The following SRGAP3 variants were observed in gnomAD, a reference collection of about 807,000 sequenced individuals.
The protein encoded by SRGAP3 is SLIT-ROBO Rho GTPase-activating protein 3.
In SRGAP3, 39 loss-of-function variants were observed where a neutral mutation model predicts 121.1. The ratio of observed to expected loss-of-function variants is 0.32; its 90% CI spans 0.25 to 0.42. SRGAP3 has a LOEUF of 0.42. Among genes scored for constraint, SRGAP3 ranks in the 10% least tolerant of loss-of-function variants. SRGAP3 has a pLI of 1.00. For missense variants in SRGAP3, 1,213 were observed against 1,470.6 expected, an observed-to-expected ratio of 0.82 and a Z score of 2.86; for synonymous variants, 601 against 570.0, an observed-to-expected ratio of 1.05 and a Z score of -0.77.
intron 3 of SRGAP3, chr3:9,257,532 C>T (rs1954157167): frequency 6.6e-6 from 1 of 151,796 alleles, no homozygotes; most frequent in South Asian, 2.1e-4. Flanking sequence ...TTTATGGCAC[C>T]CTAAGCTAAC....
At chr3:9,193,085 A>T (rs1438499213) in intron 1 of SRGAP3, 1 of 152,252 alleles carries the variant, frequency 6.6e-6, no homozygotes, top group African/African-American at 2.4e-5. Context: ...AAGACTTGCC[A>T]GCCAATTAGA....
chr3:9,339,855 A>C (rs567510615), intron 1 of SRGAP3, among the ~76,000 whole-genome samples: 1 of 152,318 alleles, frequency 6.6e-6, no homozygotes, highest in Non-Finnish European at 1.5e-5. Flanking sequence ...ACCCTCAGGT[A>C]AAATCCTTAT....
At chr3:9,073,311 T>A (rs536544967) in intron 4 of SRGAP3, among the ~76,000 whole-genome samples, 1 of 152,088 alleles carries the variant, frequency 6.6e-6, no homozygotes, top group Non-Finnish European at 1.5e-5. Flanking sequence ...GCCTTGCTAA[T>A]TTTTTGTATT....
chr3:9,119,157 T>C (rs1948912826), intron 2 of SRGAP3, among the ~76,000 whole-genome samples: 1 of 152,106 alleles, frequency 6.6e-6, no homozygotes, highest in Admixed American at 6.5e-5. Context: ...AGCTCTTACC[T>C]CACCCTCTTC....
intron 7 of SRGAP3, among the ~76,000 whole-genome samples, chr3:9,057,123 T>C (rs982086412): frequency 3.3e-5 from 5 of 152,288 alleles, no homozygotes; most frequent in Admixed American, 2.6e-4. Flanking sequence ...GAGACAGGGT[T>C]TCACCATGTT....
intron 1 of SRGAP3, among the ~76,000 whole-genome samples, chr3:9,204,956 CTTGT>C (rs1289710024): frequency 1.3e-5 from 2 of 152,244 alleles, no homozygotes; most frequent in Admixed American, 1.3e-4. Context: ...CTACTCTTGG[CTTGT>C]TTAAGCTTCC....
At chr3:9,204,603 G>A (rs1286557951) in intron 1 of SRGAP3, among the ~76,000 whole-genome samples, 5 of 152,128 alleles carry the variant, frequency 3.3e-5, no homozygotes, top group South Asian at 2.1e-4. Context: ...CTGCCCCAGA[G>A]GGGGAAAACA....
intron 1 of SRGAP3, among the ~76,000 whole-genome samples, chr3:9,241,556 C>A (rs1462923912): frequency 6.6e-6 from 1 of 152,196 alleles, no homozygotes; most frequent in African/African-American, 2.4e-5. Context: ...GGAAATCGAG[C>A]AAACCATTAA....
chr3:9,127,743 G>A (rs531614926), intron 1 of SRGAP3, among the ~76,000 whole-genome samples: 111 of 152,176 alleles, frequency 7.3e-4, no homozygotes, highest in African/African-American at 2.4e-3. Context: ...CACTGCACCC[G>A]GCCTAGTAAA....
intron 1 of SRGAP3, among the ~76,000 whole-genome samples, chr3:9,219,851 G>T (rs1952751300): frequency 6.6e-6 from 1 of 152,174 alleles, no homozygotes; most frequent in East Asian, 1.9e-4. Context: ...AAAAAATAAA[G>T]AAAGAAAGAA....
intron 15 of SRGAP3, 62 bp from the exon 16 acceptor site, chr3:9,013,904 T>A: frequency 6.6e-7 from 1 of 1,512,678 alleles, no homozygotes; most frequent in Non-Finnish European, 9.2e-7. Context: ...CAACAAACAT[T>A]CGCTCGCCAC....
intron 3 of SRGAP3, among the ~76,000 whole-genome samples, chr3:9,278,311 G>A (rs986551314): frequency 6.6e-6 from 1 of 152,094 alleles, no homozygotes. Flanking sequence ...GAAAAGCAAG[G>A]GACAAGAGGC....
At chr3:9,254,145 C>T (rs185465278), upstream of SRGAP3, among the ~76,000 whole-genome samples, 175 of 152,168 alleles carry the variant, frequency 1.2e-3, 1 homozygote, top group African/African-American at 3.7e-3. Flanking sequence ...AATACTCATA[C>T]ATGAATATTC....
At chr3:9,156,754 G>A (rs966618412) in intron 1 of SRGAP3, among the ~76,000 whole-genome samples, 36 of 152,156 alleles carry the variant, frequency 2.4e-4, no homozygotes, top group Admixed American at 2.3e-3. Flanking sequence ...AACTGCACTG[G>A]CAGGGAAGCA....
At chr3:9,030,593 C>T (rs1944437360) in intron 12 of SRGAP3, among the ~76,000 whole-genome samples, 1 of 152,184 alleles carries the variant, frequency 6.6e-6, no homozygotes, top group Non-Finnish European at 1.5e-5. Flanking sequence ...GGGGCAAACA[C>T]TCATGTGGTT....
At chr3:9,209,224 A>G (rs1459028764) in intron 1 of SRGAP3, among the ~76,000 whole-genome samples, 1 of 152,252 alleles carries the variant, frequency 6.6e-6, no homozygotes, top group African/African-American at 2.4e-5. Context: ...TTAAAAATGT[A>G]AAACATCTGT....
At chr3:9,162,217 G>A (rs755993134) in intron 1 of SRGAP3, among the ~76,000 whole-genome samples, 5 of 152,132 alleles carry the variant, frequency 3.3e-5, no homozygotes, top group African/African-American at 1.2e-4. Flanking sequence ...GATGGATGTA[G>A]GTGACAGTTG....
rs536977096 is a variant in SRGAP3, at chr3:9,060,458, G to C, written c.673-99C>G. On this transcript the variant is annotated intron_variant, in intron 5 of 21. Transcript: ENST00000383836. The stretch of plus-strand genomic sequence containing the variant: ...TTTTTTTTTTTTGAGACAGGGTGTT[G>C]CTCTGTCACCCAGGTGAGAGTGCAG... The C allele has an allele frequency of 6.6e-5, 87 of 1,318,276 alleles. No homozygotes were observed. The Admixed American group carries it at 1.1e-3, about 16-fold the overall frequency. 81.7% of individuals were successfully genotyped at this position (1,318,276 alleles called of 1,614,324 possible).
At chr3:9,175,473 C>G (rs1951143674) in intron 1 of SRGAP3, among the ~76,000 whole-genome samples, 1 of 152,198 alleles carries the variant, frequency 6.6e-6, no homozygotes, top group Non-Finnish European at 1.5e-5. Context: ...GAACATGACA[C>G]AGAGCCCTAT....
Sources: gnomAD v4.1 joint callset for allele counts (sites outside exome capture counted in the v4.1 genomes callset) on GRCh38, gnomAD v4.1.1 for gene constraint, MANE v1.5 for transcripts, NCBI Gene and HGNC (gene_info 2026-07-23, HGNC 2026-07-21) for gene names.